CACNA1C: variants seen among roughly 807,000 people sequenced by gnomAD.
CACNA1C encodes voltage-dependent L-type calcium channel subunit alpha-1C.
CACNA1C carries 30 observed loss-of-function variants against 229.0 expected under a neutral mutation model. The ratio of observed to expected loss-of-function variants is 0.13; its 90% confidence interval spans 0.10 to 0.18. The LOEUF (loss-of-function observed/expected upper bound fraction) is 0.18, where lower values mean the gene tolerates loss of function less well. Among genes scored for constraint, CACNA1C ranks in the 10% least tolerant of loss-of-function variants. The pLI is 1.00. For synonymous variants in CACNA1C, 1,114 were observed against 1,132.5 expected, an observed-to-expected ratio of 0.98 and a Z score of 0.33; for missense variants, 1,658 against 2,845.0, an observed-to-expected ratio of 0.58 and a Z score of 9.49.
intron 3 of CACNA1C, among the ~76,000 whole-genome samples, chr12:2,411,900 G>A (rs2098811311): frequency 6.6e-6 from 1 of 152,186 alleles, no homozygotes; most frequent in South Asian, 2.1e-4. Context: ...GAGGCACAGG[G>A]GCCATGAAAG....
At chr12:2,050,172 G>A (rs1040495258), upstream of CACNA1C, among the ~76,000 whole-genome samples, 2 of 152,008 alleles carry the variant, frequency 1.3e-5, no homozygotes, top group African/African-American at 4.8e-5. Context: ...TCATCTCCCT[G>A]CAGCCCTGCC....
rs1047661874 is a variant in CACNA1C at position 2,512,612 on chromosome 12, C to T, written c.1218-200C>T. On this transcript the variant is annotated intron_variant, in intron 8 of 46. Transcript: ENST00000399655. The surrounding 1 kb of genome is among the most constrained non-coding windows in gnomAD (Gnocchi z 4.3). ...ATGTCCCCTTACTGACGCTTCCCAT[C>T]GAGGTGATAGTAGACCTAACCTAGG... 2.6e-5 allele frequency among the ~76,000 whole-genome samples: 4 copies of T among 152,104 alleles called. No homozygotes were observed. The highest frequency in any genetic ancestry group is 4.4e-5 in the Non-Finnish European group (3 of 68,020).
At chr12:2,681,509 G>A (rs905613068) in intron 42 of CACNA1C, among the ~76,000 whole-genome samples, 2 of 152,188 alleles carry the variant, frequency 1.3e-5, no homozygotes, top group African/African-American at 2.4e-5. Context: ...CTTGTGCTGA[G>A]GATGGGCCAG....
intron 1 of CACNA1C, chr12:1,992,439 A>AAT (rs1300380526): frequency 6.5e-6 from 1 of 153,358 alleles, no homozygotes; most frequent in African/African-American, 2.4e-5. Context: ...TAGGATGAAA[A>AAT]ATATACAGAA....
At chr12:1,989,346 A>AGAGCAGGAGCAGGAGCAG (rs370112885) in intron 1 of CACNA1C, among the ~76,000 whole-genome samples, 1 of 152,144 alleles carries the variant, frequency 6.6e-6, no homozygotes, top group Non-Finnish European at 1.5e-5. Flanking sequence ...TCTAAAGAGC[A>AGAGCAGGAGCAGGAGCAG]GAGCAGGAGC....
Position 2,135,231 on chromosome 12 carries a change from ACTT to A in CACNA1C, c.477+14805_477+14807del, listed in dbSNP as rs979763799. 2.3e-3 allele frequency among the ~76,000 whole-genome samples: 335 copies of A among 143,956 alleles called. 20 individuals carry two copies. The highest frequency in any genetic ancestry group is 8.6e-3 in the African/African-American group (323 of 37,422). The allele number at this position is 143,956 out of a possible 152,430, so 94.4% of individuals were successfully genotyped here. ...TTCTAAATTTTTTTCAAAGTTTTCA[ACTT>A]CTTTGCCTTTGGTTTGAGTGTCCTC... On this transcript the variant is annotated intron_variant, in intron 3 of 46. Coordinates refer to ENST00000399655, the MANE Select transcript of CACNA1C (RefSeq NM_000719.7).
At chr12:1,997,884 TA>T in intron 1 of CACNA1C, 1 of 1,455,562 alleles carries the variant, frequency 6.9e-7, no homozygotes, top group Non-Finnish European at 9.5e-7. Flanking sequence ...ACAACGGAGC[TA>T]AAATATTATT....
At chr12:2,431,669 T>G (rs2099086167) in intron 3 of CACNA1C, among the ~76,000 whole-genome samples, 1 of 152,148 alleles carries the variant, frequency 6.6e-6, no homozygotes, top group Non-Finnish European at 1.5e-5. Flanking sequence ...ACATAAAACA[T>G]TAAACACAGG....
In CACNA1C at chr12:2,657,056, G is replaced by A. The variant is rs111714579; in HGVS notation, c.4232+1818G>A. Among the ~76,000 whole-genome samples the A allele has an allele frequency of 2.6e-3, 389 of 152,244 alleles. 6 individuals carry two copies. The highest frequency in any genetic ancestry group is 9.0e-3 in the African/African-American group (376 of 41,552). ...AAGCAAAATAGAGACATTTCCAAGT[G>A]TTTAAGGACCCATAAAGTTTACTCC... On this transcript the variant is annotated intron_variant, in intron 34 of 46. Transcript: ENST00000399655.
intron 31 of CACNA1C, 31 bp downstream of exon 31, chr12:2,648,538 G>T (rs773648921): frequency 9.6e-5 from 155 of 1,610,040 alleles, no homozygotes; most frequent in Non-Finnish European, 2.5e-5. Context: ...CATGCTCCCG[G>T]CTTCCGTGTC....
chr12:2,030,448 G>A (rs1162518203), intron 1 of CACNA1C, among the ~76,000 whole-genome samples: 1 of 150,362 alleles, frequency 6.7e-6, no homozygotes, highest in Admixed American at 6.6e-5. Context: ...AGGTTACTTT[G>A]CCAATAATGA....
In CACNA1C at chr12:2,651,520, A is replaced by C; in HGVS notation, c.3946-120A>C. On this transcript the variant is annotated intron_variant, in intron 31 of 46. Transcript: ENST00000399655. This position sits in a 1 kb window ranked among gnomAD's most constrained non-coding sequence, Gnocchi z 5.4. Reference sequence around the variant, plus strand: ...CCCATCGGAGGGGGAAGTCTAGTGCAGCAAACCCTGGCCTGCCTTCCGCCA... The same window carrying C: ...CCCATCGGAGGGGGAAGTCTAGTGCCGCAAACCCTGGCCTGCCTTCCGCCA... The C allele has an allele frequency of 6.7e-7, 1 of 1,490,216 alleles. No homozygotes were observed. The highest frequency in any genetic ancestry group is 9.3e-7 in the Non-Finnish European group (1 of 1,073,998). 92.3% of individuals were successfully genotyped at this position (1,490,216 alleles called of 1,614,324 possible).
At chr12:2,213,641 C>G (rs531279629) in intron 3 of CACNA1C, among the ~76,000 whole-genome samples, 10 of 152,250 alleles carry the variant, frequency 6.6e-5, no homozygotes, top group African/African-American at 2.4e-4. Context: ...GGTGCTCTGA[C>G]AGACACCGTG....
chr12:2,359,224 C>T (rs141811265), intron 3 of CACNA1C, among the ~76,000 whole-genome samples: 1 of 152,344 alleles, frequency 6.6e-6, no homozygotes, highest in African/African-American at 2.4e-5. Flanking sequence ...TTTCCTCCCA[C>T]TTGCTCGGTC....
At chr12:2,586,958 C>T (rs554623719) in intron 18 of CACNA1C, among the ~76,000 whole-genome samples, 8 of 152,278 alleles carry the variant, frequency 5.3e-5, no homozygotes, top group Admixed American at 1.3e-4. Flanking sequence ...GGAATTTCAA[C>T]GACGTACTAG....
chr12:1,980,042 C>T (rs2035645108), intron 1 of CACNA1C, among the ~76,000 whole-genome samples: 1 of 152,144 alleles, frequency 6.6e-6, no homozygotes, highest in African/African-American at 2.4e-5. Flanking sequence ...CAAATAGGCA[C>T]ATAACTGTTC....
intron 3 of CACNA1C, among the ~76,000 whole-genome samples, chr12:2,123,099 G>A (rs1204764577): frequency 1.3e-5 from 2 of 152,202 alleles, no homozygotes; most frequent in Non-Finnish European, 2.9e-5. Flanking sequence ...AGTCTGGGCC[G>A]GGCGCAGTGG....
At chr12:2,315,066 C>T (rs1374440815) in intron 3 of CACNA1C, among the ~76,000 whole-genome samples, 1 of 152,188 alleles carries the variant, frequency 6.6e-6, no homozygotes, top group East Asian at 1.9e-4. Context: ...TTCTATTAGC[C>T]TGCAAGGAAC....
intron 9 of CACNA1C, among the ~76,000 whole-genome samples, chr12:2,523,129 C>T (rs1022857361): frequency 1.3e-4 from 2 of 15,052 alleles, no homozygotes; most frequent in Non-Finnish European, 2.5e-4. Context: ...AGGAAAAGAG[C>T]GGAGATGGGG....
Sources: allele counts gnomAD v4.1 joint callset (sites outside exome capture counted in the v4.1 genomes callset), GRCh38; gene constraint gnomAD v4.1.1; non-coding constraint Gnocchi (gnomAD v3.1); transcripts MANE v1.5; gene names NCBI Gene and HGNC (gene_info 2026-07-23, HGNC 2026-07-21).